The following PCDHGA10 variants were observed in gnomAD, a reference collection of about 807,000 sequenced individuals.
PCDHGA10 encodes the protein protocadherin gamma subfamily A, 10, also known as protocadherin gamma-A10.
A neutral mutation model predicts 59.5 loss-of-function variants in PCDHGA10; 42 were observed. The ratio of observed to expected loss-of-function variants is 0.71; its 90% CI spans 0.55 to 0.91. The LOEUF (loss-of-function observed/expected upper bound fraction) is 0.91. PCDHGA10 is among the 40% of genes least tolerant of loss of function. The probability of loss-of-function intolerance (pLI) is 0.00; values close to 1 mark genes in which losing one functional copy is unlikely to be tolerated. For synonymous variants in PCDHGA10, 511 were observed against 517.2 expected, an observed-to-expected ratio of 0.99 and a Z score of 0.16; for missense variants, 1,111 against 1,198.2, an observed-to-expected ratio of 0.93 and a Z score of 1.07.
intron 1 of PCDHGA10, among the ~76,000 whole-genome samples, chr5:141,449,891 A>G (rs2098658520): frequency 6.6e-6 from 1 of 151,872 alleles, no homozygotes; most frequent in Non-Finnish European, 1.5e-5. Flanking sequence ...CAATATAATT[A>G]TTTAGCCTAT....
At position 141,493,444 on chromosome 5, in the gene PCDHGA10, G is replaced by T. The variant is rs2099748313; in HGVS notation, c.2437-1363G>T. On this transcript the variant is annotated intron_variant, in intron 1 of 3. Transcript: ENST00000398610. This position sits in a 1 kb window ranked among gnomAD's most constrained non-coding sequence, Gnocchi z 4.3. ...GCTTCTGCTGGGATGGGGCAAGGGT[G>T]GGGTTCCTTCCCTTTTAGGACCTTA... Among the ~76,000 whole-genome samples, 1 of 152,174 alleles carries T rather than the reference G, an allele frequency of 6.6e-6. No homozygotes were observed. Among genetic ancestry groups the T allele is most frequent in the South Asian group, 2.1e-4 (1 of 4,826 alleles).
chr5:141,418,178 G>A, intron 1 of PCDHGA10: 1 of 1,614,080 alleles, frequency 6.2e-7, no homozygotes, highest in Non-Finnish European at 8.5e-7. Flanking sequence ...GTTGCAATTG[G>A]AAGCTGTGGT....
chr5:141,446,482 C>A (rs961785845), intron 1 of PCDHGA10, among the ~76,000 whole-genome samples: 2 of 146,988 alleles, frequency 1.4e-5, no homozygotes, highest in Non-Finnish European at 3.0e-5. Flanking sequence ...GGTCATCATT[C>A]TTTTTTTTTT....
Position 141,491,307 on chromosome 5 carries a change from C to CCTTA in PCDHGA10, c.2437-3498_2437-3495dup. On this transcript the variant is annotated intron_variant, in intron 1 of 3. Transcript: ENST00000398610. The surrounding 1 kb of genome is among the most constrained non-coding windows in gnomAD (Gnocchi z 6.9). ...TCATACACCCTCCTGAGCGTTCAGA[C>CCTTA]CTTACCCTTTACCTCATTGTGGCTC... 1 of 1,614,152 alleles carries CCTTA rather than the reference C, an allele frequency of 6.2e-7. No individual in the cohort carries two copies. Among genetic ancestry groups the CCTTA allele is most frequent in the Non-Finnish European group, 8.5e-7 (1 of 1,179,986 alleles).
At chr5:141,439,524 A>T (rs774174912) in intron 1 of PCDHGA10, among the ~76,000 whole-genome samples, 2 of 152,114 alleles carry the variant, frequency 1.3e-5, no homozygotes, top group Admixed American at 6.5e-5. Flanking sequence ...AACTAACTCT[A>T]CAGAACGCTG....
intron 1 of PCDHGA10, chr5:141,420,076 T>C (rs764381539): frequency 3.3e-5 from 53 of 1,613,956 alleles, no homozygotes; most frequent in Non-Finnish European, 4.5e-5. Context: ...GACCTGTGGG[T>C]CCCCCCAACT....
At chr5:141,502,035 G>C (rs1371892057) in intron 2 of PCDHGA10, among the ~76,000 whole-genome samples, 1 of 152,078 alleles carries the variant, frequency 6.6e-6, no homozygotes, top group Non-Finnish European at 1.5e-5. Context: ...CCCGCCGCTT[G>C]CCTGCTCTCC....
chr5:141,471,626 G>A (rs938624727), intron 1 of PCDHGA10: 2 of 152,108 alleles, frequency 1.3e-5, no homozygotes, highest in South Asian at 4.1e-4. Context: ...GTAAGCATTG[G>A]TATGGATTAG....
At chr5:141,455,690 C>T (rs1209152869) in intron 1 of PCDHGA10, among the ~76,000 whole-genome samples, 1 of 152,064 alleles carries the variant, frequency 6.6e-6, no homozygotes, top group Non-Finnish European at 1.5e-5. Context: ...CTGTGGGAAT[C>T]GCCAAGTTGA....
rs1441582051 is a variant in PCDHGA10, at chr5:141,487,416, G to A, written c.2437-7391G>A. 1 of 1,614,088 alleles carries A rather than the reference G, an allele frequency of 6.2e-7. No individual in the cohort carries two copies. Among genetic ancestry groups the A allele is most frequent in the Admixed American group, 1.7e-5 (1 of 60,024 alleles). On this transcript the variant is annotated intron_variant, in intron 1 of 3. Coordinates refer to ENST00000398610, the MANE Select transcript of PCDHGA10 (RefSeq NM_018913.3). The surrounding 1 kb of genome is among the most constrained non-coding windows in gnomAD (Gnocchi z 5.0). ...AGGGAGGGGCTTCCCCCTTCCAATGGGATCCTCCGAATCCAGCTAGGGTCA... is the reference window on the plus strand; with the variant it reads ...AGGGAGGGGCTTCCCCCTTCCAATGAGATCCTCCGAATCCAGCTAGGGTCA...
chr5:141,478,445 G>C (rs773567457), intron 1 of PCDHGA10: 1 of 1,613,570 alleles, frequency 6.2e-7, no homozygotes, highest in Non-Finnish European at 8.5e-7. Flanking sequence ...GAAGAAACCT[G>C]GTGCAGCCAG....
chr5:141,489,290 G>A lies in PCDHGA10; in HGVS notation c.2437-5517G>A. 6.3e-7 allele frequency: 1 copy of A among 1,577,514 alleles called. No individual in the cohort carries two copies. The highest frequency in any genetic ancestry group is 8.6e-7 in the Non-Finnish European group (1 of 1,162,002). ...CTCGCTGGGAAATGGCAAGTGCTGT[G>A]CATGTTGTCCTTGTGCTGCTGGGGC... On this transcript the variant is annotated intron_variant, in intron 1 of 3. Transcript: ENST00000398610. This position sits in a 1 kb window ranked among gnomAD's most constrained non-coding sequence, Gnocchi z 4.5.
At chr5:141,483,323 G>A (rs2099579999) in intron 1 of PCDHGA10, among the ~76,000 whole-genome samples, 1 of 152,104 alleles carries the variant, frequency 6.6e-6, no homozygotes, top group Non-Finnish European at 1.5e-5. Flanking sequence ...GGGACTGGAG[G>A]CAAAGAGATC....
At chr5:141,500,452 G>C (rs554196222) in intron 2 of PCDHGA10, among the ~76,000 whole-genome samples, 1 of 151,506 alleles carries the variant, frequency 6.6e-6, no homozygotes, top group South Asian at 2.1e-4. Context: ...CTCGTGATCC[G>C]CCCGCCTCGG....
rs2096663485 is a variant in PCDHGA10, at chr5:141,422,674, A to G, written c.2436+7063A>G. 3 of 1,606,698 alleles carry G rather than the reference A, an allele frequency of 1.9e-6. No individual in the cohort carries two copies. The East Asian group carries it at 6.7e-5, about 36-fold the overall frequency. On this transcript the variant is annotated intron_variant, in intron 1 of 3. Transcript: ENST00000398610. ...AGTGACCGCCCTCGACCCGGACAGC[A>G]AACAGAATGCCCTGGTCACTTACTC...
At chr5:141,478,236 T>C (rs2099440813) in intron 1 of PCDHGA10, 3 of 1,614,156 alleles carry the variant, frequency 1.9e-6, no homozygotes, top group Non-Finnish European at 2.5e-6. Flanking sequence ...GGGTTTGTGG[T>C]CACAGTGTTC....
At chr5:141,505,563 T>C in intron 3 of PCDHGA10, 82 bp downstream of exon 3, 1 of 1,603,814 alleles carries the variant, frequency 6.2e-7, no homozygotes, top group Non-Finnish European at 8.5e-7. Flanking sequence ...GCCCACGGAC[T>C]GGATGTCAAA....
intron 1 of PCDHGA10, chr5:141,416,753 G>A (rs1168212796): frequency 1.3e-5 from 2 of 152,154 alleles, no homozygotes; most frequent in Non-Finnish European, 2.9e-5. Context: ...GACGTATTAG[G>A]TAGATCTCTT....
intron 1 of PCDHGA10, chr5:141,433,257 G>T: frequency 7.2e-7 from 1 of 1,385,416 alleles, no homozygotes; most frequent in Non-Finnish European, 9.9e-7. Context: ...GCAGCGGTAC[G>T]ATCATAGCTC....
Sources: allele counts gnomAD v4.1 joint callset (sites outside exome capture counted in the v4.1 genomes callset), GRCh38; gene constraint gnomAD v4.1.1; non-coding constraint Gnocchi (gnomAD v3.1); transcripts MANE v1.5; gene names NCBI Gene and HGNC (gene_info 2026-07-23, HGNC 2026-07-21).